Variants in SLC36A1 observed in about 807,000 individuals in gnomAD.
SLC36A1 encodes proton-coupled amino acid transporter 1.
A neutral mutation model predicts 47.5 loss-of-function variants in SLC36A1; 30 were observed. That is an observed-to-expected ratio of 0.63 (90% CI 0.47 to 0.86). The LOEUF (loss-of-function observed/expected upper bound fraction) is 0.86. Ranked by LOEUF, SLC36A1 falls within the 40% of genes least tolerant of loss-of-function variation. The probability of loss-of-function intolerance (pLI) is 0.00; values close to 1 mark genes in which losing one functional copy is unlikely to be tolerated. For synonymous variants in SLC36A1, 255 were observed against 249.7 expected (o/e 1.02, Z -0.20); for missense variants, 517 against 606.0 (o/e 0.85, Z 1.54).
intron 9 of SLC36A1, among the ~76,000 whole-genome samples, chr5:151,477,896 A>G (rs1313270542): frequency 6.6e-6 from 1 of 152,148 alleles, no homozygotes; most frequent in Admixed American, 6.5e-5. Context: ...TTCTTTCCTA[A>G]CACCCCAAAC....
the SLC36A1 span, among the ~76,000 whole-genome samples, chr5:151,344,914 G>A: frequency 6.6e-6 from 1 of 152,122 alleles, no homozygotes; most frequent in Non-Finnish European, 1.5e-5. Flanking sequence ...GGATGACTGG[G>A]TCCCCAGATG....
chr5:151,471,855 A>G (rs530107431), intron 7 of SLC36A1, among the ~76,000 whole-genome samples: 2 of 152,362 alleles, frequency 1.3e-5, no homozygotes, highest in African/African-American at 2.4e-5. Flanking sequence ...CCAAATAGCC[A>G]TACAGTTAAA....
intron 7 of SLC36A1, among the ~76,000 whole-genome samples, chr5:151,468,891 C>G (rs1052369141): frequency 3.3e-5 from 5 of 152,054 alleles, no homozygotes; most frequent in Non-Finnish European, 7.4e-5. Flanking sequence ...ATTATAAATT[C>G]ACTTGTTCCT....
the SLC36A1 span, chr5:151,528,218 C>G: frequency 2.7e-6 from 4 of 1,506,072 alleles, no homozygotes; most frequent in East Asian, 9.2e-5. Context: ...TGTCCCTGCC[C>G]CAGTGACTGC....
chr5:151,512,088 C>G, the SLC36A1 span: 193 of 1,409,440 alleles, frequency 1.4e-4, 1 homozygote, highest in South Asian at 2.5e-3. This position sits in a 1 kb window ranked among gnomAD's most constrained non-coding sequence, Gnocchi z 4.1. Flanking sequence ...TCTGAGATCT[C>G]CACCCTGACA....
chr5:151,396,961 A>C, the SLC36A1 span, among the ~76,000 whole-genome samples: 1 of 152,234 alleles, frequency 6.6e-6, no homozygotes, highest in East Asian at 1.9e-4. Flanking sequence ...GGGCTCAGCT[A>C]GGCCACCTCT....
chr5:151,485,162 AG>A (rs1419837444), intron 10 of SLC36A1, among the ~76,000 whole-genome samples: 1 of 152,230 alleles, frequency 6.6e-6, no homozygotes, highest in African/African-American at 2.4e-5. Flanking sequence ...GAAGCAGCTA[AG>A]GGCTGAAAAC....
At chr5:151,537,831 C>T in the SLC36A1 span, 2 of 1,613,968 alleles carry the variant, frequency 1.2e-6, no homozygotes, top group Non-Finnish European at 1.7e-6. Context: ...CGCCCCAGGG[C>T]CATGCAGAGA....
At chr5:151,548,583 C>T in the SLC36A1 span, among the ~76,000 whole-genome samples, 43 of 152,196 alleles carry the variant, frequency 2.8e-4, no homozygotes, top group Middle Eastern at 0.014. Flanking sequence ...CAGGTTCAAG[C>T]GATTCTCCTC....
chr5:151,370,393 T>G, the SLC36A1 span, among the ~76,000 whole-genome samples: 1 of 150,536 alleles, frequency 6.6e-6, no homozygotes, highest in Non-Finnish European at 1.5e-5. Flanking sequence ...ACATTAGAAT[T>G]TCATTCTGTT....
At chr5:151,479,641 C>A in intron 10 of SLC36A1, 152 bp downstream of exon 10, 1 of 745,054 alleles carries the variant, frequency 1.3e-6, no homozygotes, top group Non-Finnish European at 2.2e-6. Flanking sequence ...AGAGTTGAGG[C>A]ACCTCCAGAT....
At chr5:151,461,246 TC>T (rs1755466217) in intron 2 of SLC36A1, among the ~76,000 whole-genome samples, 1 of 151,146 alleles carries the variant, frequency 6.6e-6, no homozygotes, top group Non-Finnish European at 1.5e-5. Context: ...TGCCTCGGCC[TC>T]CCAAAGTGCT....
the SLC36A1 span, among the ~76,000 whole-genome samples, chr5:151,555,570 A>C: frequency 5.3e-5 from 8 of 151,870 alleles, 1 homozygote; most frequent in East Asian, 1.6e-3. Context: ...GGGTTTCATC[A>C]TGTTGGCCAG....
the SLC36A1 span, among the ~76,000 whole-genome samples, chr5:151,396,941 T>A: frequency 6.6e-6 from 1 of 151,984 alleles, no homozygotes; most frequent in Non-Finnish European, 1.5e-5. Context: ...CACTCTTAAG[T>A]ATTCTGTAAG....
the SLC36A1 span, among the ~76,000 whole-genome samples, chr5:151,392,510 A>G: frequency 6.6e-6 from 1 of 152,060 alleles, no homozygotes; most frequent in Non-Finnish European, 1.5e-5. Context: ...TCAATTTTAG[A>G]TCTTTCCTGC....
the SLC36A1 span, among the ~76,000 whole-genome samples, chr5:151,350,207 A>G: frequency 6.6e-6 from 1 of 151,878 alleles, no homozygotes; most frequent in Non-Finnish European, 1.5e-5. Flanking sequence ...CCCCCATCTA[A>G]ATAATAATGA....
At chr5:151,376,140 C>T in the SLC36A1 span, among the ~76,000 whole-genome samples, 2 of 152,040 alleles carry the variant, frequency 1.3e-5, no homozygotes, top group East Asian at 1.9e-4. Context: ...TTGTTGTATA[C>T]GGCCCTTGTT....
chr5:151,438,890 A>G (rs982617669), intron 1 of SLC36A1, among the ~76,000 whole-genome samples: 2 of 152,184 alleles, frequency 1.3e-5, no homozygotes, highest in African/African-American at 4.8e-5. Flanking sequence ...TTCTTTAAAC[A>G]TATTTCATTT....
chr5:151,519,655 G>C, the SLC36A1 span, among the ~76,000 whole-genome samples: 4 of 152,260 alleles, frequency 2.6e-5, no homozygotes, highest in South Asian at 8.3e-4. Flanking sequence ...CTTGATCTGG[G>C]CGTTGGCTAC....
Sources: allele counts gnomAD v4.1 joint callset (sites outside exome capture counted in the v4.1 genomes callset), GRCh38; gene constraint gnomAD v4.1.1; non-coding constraint Gnocchi (gnomAD v3.1); transcripts MANE v1.5; gene names NCBI Gene and HGNC (gene_info 2026-07-23, HGNC 2026-07-21).